B3GALT1: variants seen among roughly 807,000 people sequenced by gnomAD.
The protein encoded by B3GALT1 is beta-1,3-galactosyltransferase 1.
B3GALT1 carries 10 observed loss-of-function variants against 23.2 expected under a neutral mutation model. The observed-to-expected ratio is 0.43, with a 90% confidence interval of 0.27 to 0.73. The LOEUF is 0.73. Ranked by LOEUF, B3GALT1 falls within the 30% of genes least tolerant of loss-of-function variation. The pLI is 0.21. For missense variants in B3GALT1, 299 were observed against 405.4 expected (o/e 0.74, Z 2.25); for synonymous variants, 156 against 141.5 (o/e 1.10, Z -0.73).
At chr2:167,583,542 T>C (rs1227142) in intron 2 of B3GALT1, among the ~76,000 whole-genome samples, 28,623 of 152,164 alleles carry the variant, frequency 0.19, 2,768 homozygotes, top group African/African-American at 0.23. Context: ...GTTACTTTAA[T>C]TTCAACATTC....
chr2:167,305,939 G>C (rs982965861), intron 1 of B3GALT1, among the ~76,000 whole-genome samples: 2 of 152,022 alleles, frequency 1.3e-5, no homozygotes, highest in Non-Finnish European at 2.9e-5. Flanking sequence ...GTTCTGTGTT[G>C]GCAAGTATGC....
At chr2:167,654,756 G>A (rs117833669) in intron 3 of B3GALT1, among the ~76,000 whole-genome samples, 71 of 151,082 alleles carry the variant, frequency 4.7e-4, no homozygotes, top group African/African-American at 1.4e-3. Flanking sequence ...TCAGCCTCCC[G>A]AAATGCTGAA....
At chr2:167,745,225 T>C (rs12479257) in intron 3 of B3GALT1, among the ~76,000 whole-genome samples, 111,664 of 151,992 alleles carry the variant, frequency 0.73, 41,225 homozygotes, top group Admixed American at 0.8. Flanking sequence ...ATTAATTCTA[T>C]TCTAAAACCA....
chr2:167,812,999 C>A (rs1168612133), intron 3 of B3GALT1, among the ~76,000 whole-genome samples: 19 of 126,246 alleles, frequency 1.5e-4, no homozygotes, highest in Non-Finnish European at 2.2e-4. Flanking sequence ...CACCCCCACC[C>A]CCCCCCACAC....
intron 2 of B3GALT1, among the ~76,000 whole-genome samples, chr2:167,585,717 G>A (rs773687570): frequency 6.6e-6 from 1 of 152,052 alleles, no homozygotes; most frequent in Admixed American, 6.5e-5. Context: ...GCTCCAAAAG[G>A]CAGATGTAAG....
chr2:167,589,208 A>G (rs1019060050), intron 2 of B3GALT1, among the ~76,000 whole-genome samples: 2 of 152,284 alleles, frequency 1.3e-5, no homozygotes, highest in South Asian at 4.1e-4. Context: ...AGCCTCCCAA[A>G]GTGCTGGGCT....
chr2:167,371,060 T>C (rs1231097275), intron 1 of B3GALT1, among the ~76,000 whole-genome samples: 1 of 152,170 alleles, frequency 6.6e-6, no homozygotes. Context: ...AGTGATGTAG[T>C]AGAGATTGAT....
chr2:167,379,819 G>A (rs1466860397), intron 1 of B3GALT1, among the ~76,000 whole-genome samples: 1 of 152,212 alleles, frequency 6.6e-6, no homozygotes, highest in Non-Finnish European at 1.5e-5. Flanking sequence ...GTGTGCGTAG[G>A]CATAGAGCTA....
chr2:167,672,995 A>AG (rs1469520241), intron 3 of B3GALT1, among the ~76,000 whole-genome samples: 1 of 145,754 alleles, frequency 6.9e-6, no homozygotes, highest in Admixed American at 7.0e-5. Context: ...TGTGTGTGGG[A>AG]GGGGGGTATC....
At chr2:167,454,440 T>C (rs1378298143) in intron 1 of B3GALT1, among the ~76,000 whole-genome samples, 2 of 152,148 alleles carry the variant, frequency 1.3e-5, no homozygotes, top group Non-Finnish European at 2.9e-5. Context: ...AACGTCAGCA[T>C]TGTAAAAAAG....
intron 3 of B3GALT1, among the ~76,000 whole-genome samples, chr2:167,648,309 T>C (rs1052825273): frequency 1.3e-5 from 2 of 152,152 alleles, no homozygotes; most frequent in Admixed American, 6.6e-5. Context: ...AAGAACTTCG[T>C]TGATCTAGTC....
intron 2 of B3GALT1, among the ~76,000 whole-genome samples, chr2:167,547,787 A>C (rs1683667170): frequency 6.6e-6 from 1 of 152,016 alleles, no homozygotes; most frequent in South Asian, 2.1e-4. Context: ...TCCTTGCTTT[A>C]CTAGGCTAGC....
rs138668616 is a variant in B3GALT1 at position 167,334,165 on chromosome 2, A to G, written c.-511+40831A>G. On this transcript the variant is annotated intron_variant, in intron 1 of 4. Transcript: ENST00000392690. Reference sequence around the variant, plus strand: ...TCAACACATAATTTAGTTAATTATAATAATTAGTGTACTAGTGATCCTCAA... The same window carrying G: ...TCAACACATAATTTAGTTAATTATAGTAATTAGTGTACTAGTGATCCTCAA... 7.0e-4 allele frequency among the ~76,000 whole-genome samples: 106 copies of G among 152,312 alleles called. 1 individual carries two copies. Among genetic ancestry groups the G allele is most frequent in the African/African-American group, 2.5e-3 (103 of 41,566 alleles).
In B3GALT1 at chr2:167,830,394, T is replaced by A. The variant is rs116184556; in HGVS notation, c.-230+11601T>A. Among the ~76,000 whole-genome samples, 873 of 151,022 alleles carry A rather than the reference T, an allele frequency of 5.8e-3. 3 individuals are homozygous for A. Among genetic ancestry groups the A allele is most frequent in the Non-Finnish European group, 9.3e-3 (633 of 67,910 alleles). On this transcript the variant is annotated intron_variant, in intron 4 of 4. Transcript: ENST00000392690. ...CATACTTAAAAAAAAAAAAAAAGTT[T>A]GGTTAGACAATCAAGGAGACGTGCA...
At chr2:167,300,443 A>C (rs976411821) in intron 1 of B3GALT1, among the ~76,000 whole-genome samples, 1 of 152,236 alleles carries the variant, frequency 6.6e-6, no homozygotes, top group Admixed American at 6.5e-5. Context: ...TGTAAAATGT[A>C]CAGATATTCT....
chr2:167,552,735 G>C (rs141485201), intron 2 of B3GALT1, among the ~76,000 whole-genome samples: 1 of 152,126 alleles, frequency 6.6e-6, no homozygotes, highest in South Asian at 2.1e-4. Flanking sequence ...ATGTGGCTTT[G>C]ACTTTCTCCA....
At chr2:167,556,244 G>A (rs58986590) in intron 2 of B3GALT1, among the ~76,000 whole-genome samples, 46 of 152,134 alleles carry the variant, frequency 3.0e-4, no homozygotes, top group African/African-American at 1.0e-3. Flanking sequence ...CTCAGAGGTT[G>A]AATTAAAAAA....
chr2:167,423,492 C>T (rs374998791), intron 1 of B3GALT1, among the ~76,000 whole-genome samples: 1 of 152,134 alleles, frequency 6.6e-6, no homozygotes, highest in Non-Finnish European at 1.5e-5. Context: ...CAATACCAAA[C>T]GTTTCTCCCC....
chr2:167,830,686 A>T (rs1398137752), intron 4 of B3GALT1, among the ~76,000 whole-genome samples: 1 of 152,254 alleles, frequency 6.6e-6, no homozygotes, highest in African/African-American at 2.4e-5. Flanking sequence ...ACCACCAAAA[A>T]GTTTGATGTA....
Sources: gnomAD v4.1 joint callset for allele counts (sites outside exome capture counted in the v4.1 genomes callset) on GRCh38, gnomAD v4.1.1 for gene constraint, MANE v1.5 for transcripts, NCBI Gene and HGNC (gene_info 2026-07-23, HGNC 2026-07-21) for gene names.